Variants in LRCOL1 observed in about 807,000 individuals in gnomAD.
The protein encoded by LRCOL1 is leucine rich colipase like 1.
In LRCOL1, 21 loss-of-function variants were observed where a neutral mutation model predicts 21.6. The observed-to-expected ratio is 0.97, with a 90% CI of 0.69 to 1.40. The LOEUF (loss-of-function observed/expected upper bound fraction) is 1.40. Ranked by LOEUF, LRCOL1 falls within the 40% of genes most tolerant of loss-of-function variation. LRCOL1 has a pLI of 0.00. For synonymous variants in LRCOL1, 98 were observed against 90.1 expected (o/e 1.09, Z -0.49); for missense variants, 198 against 202.3 (o/e 0.98, Z 0.13).
At chr12:132,608,015 G>C (rs2041335072) in intron 1 of LRCOL1, among the ~76,000 whole-genome samples, 1 of 151,206 alleles carries the variant, frequency 6.6e-6, no homozygotes, top group African/African-American at 2.4e-5. Flanking sequence ...GTCTCTCTCT[G>C]TCTCTGTCTC....
chr12:132,605,182 G>A, intron 2 of LRCOL1: 4 of 967,018 alleles, frequency 4.1e-6, no homozygotes, highest in Non-Finnish European at 4.9e-6. Context: ...AAGGTGCCCA[G>A]GATTGCACAG....
chr12:132,608,293 G>A (rs1196050052), intron 1 of LRCOL1, among the ~76,000 whole-genome samples: 2 of 152,118 alleles, frequency 1.3e-5, no homozygotes, highest in East Asian at 1.9e-4. Flanking sequence ...ATCAGTCCCC[G>A]CACCCACACC....
chr12:132,608,907 C>T (rs909377220), intron 1 of LRCOL1, among the ~76,000 whole-genome samples: 9 of 152,174 alleles, frequency 5.9e-5, no homozygotes, highest in Admixed American at 3.9e-4. Context: ...CCAAATGGAG[C>T]ACGATGTGCC....
rs933354899 is a variant in LRCOL1 at position 132,606,068 on chromosome 12, A to C, written c.105+79T>G. On this transcript the variant is annotated intron_variant, in intron 2 of 5. Transcript: ENST00000376608. The surrounding 1 kb of genome is among the most constrained non-coding windows in gnomAD (Gnocchi z 4.6). Reference sequence around the variant, plus strand: ...GGCAGCCCTCGCGGGTGGGGACTGCAAGGGCCTCAGGGGCGCCCGGCACCC... The same window carrying C: ...GGCAGCCCTCGCGGGTGGGGACTGCCAGGGCCTCAGGGGCGCCCGGCACCC... 9.4e-5 allele frequency: 130 copies of C among 1,389,542 alleles called. No individual in the cohort carries two copies. The South Asian group carries it at 1.3e-3, about 14-fold the overall frequency. 86.1% of individuals were successfully genotyped at this position (1,389,542 alleles called of 1,614,324 possible). A position where few individuals can be genotyped will look rare whatever the true frequency, so the allele number is the denominator to read the frequency against.
At chr12:132,608,840 T>A (rs2041344213) in intron 1 of LRCOL1, among the ~76,000 whole-genome samples, 1 of 152,132 alleles carries the variant, frequency 6.6e-6, no homozygotes, top group Non-Finnish European at 1.5e-5. Context: ...CCAGGAAAAA[T>A]TTTTTTCTGG....
At position 132,604,255 on chromosome 12, in the gene LRCOL1, A is replaced by G. The variant is rs1057267661; in HGVS notation, c.476T>C (p.Leu159Pro). 3.3e-6 allele frequency: 5 copies of G among 1,533,070 alleles called. No homozygotes were observed. In the African/African-American group the frequency reaches 6.8e-5, roughly 21 times the overall value. 95.0% of individuals were successfully genotyped at this position (1,533,070 alleles called of 1,614,324 possible). The part of the protein sequence containing the change: ...RTGILAQCLP[L>P] ...GCTGAGCCCCCGCCCGGGACTTACC[A>G]GGGGCAGGCACTGGGCCAGGATCCC... The change falls in exon 5 of 6, where the codon CTG becomes CCG. Residue 159 changes from leucine to proline, a missense_variant and splice_region_variant. Coordinates refer to ENST00000376608, the MANE Select transcript of LRCOL1 (RefSeq NM_001195520.2).
At chr12:132,603,877 G>C (rs1566276840) in intron 5 of LRCOL1, 1 of 1,179,340 alleles carries the variant, frequency 8.5e-7, no homozygotes, top group East Asian at 4.6e-5. Context: ...TCGGGGGAGG[G>C]AGGGGAGAAG....
intron 2 of LRCOL1, chr12:132,605,049 G>T: frequency 2.2e-6 from 3 of 1,384,388 alleles, no homozygotes; most frequent in Non-Finnish European, 2.8e-6. Context: ...TGTGAGCCAC[G>T]TGGAAGAGGG....
At chr12:132,603,808 G>T in intron 5 of LRCOL1, 8 of 985,420 alleles carry the variant, frequency 8.1e-6, no homozygotes, top group Non-Finnish European at 9.6e-6. Flanking sequence ...CAGAGCGGGA[G>T]CCTGCACCGA....
Position 132,606,177 on chromosome 12 carries a change from C to T in LRCOL1, c.75G>A (p.Gly25=), listed in dbSNP as rs1314968566. Residue 25 remains glycine (G), a synonymous_variant, in exon 2 of 6, where the codon GGG becomes GGA. Coordinates refer to ENST00000376608, the MANE Select transcript of LRCOL1 (RefSeq NM_001195520.2). The surrounding 1 kb of genome is among the most constrained non-coding windows in gnomAD (Gnocchi z 4.6). ...GGGACAGGTTCAACTTCTTCTGTGG[C>T]CCATACCCTGCCATGGACCCCAGCA... The part of the protein sequence containing the change: ...LLLLGSMAGY[G]PQKKLNLSHK... The T allele has an allele frequency of 6.5e-7, 1 of 1,536,492 alleles. No homozygotes were observed. The highest frequency in any genetic ancestry group is 1.7e-4 in the Middle Eastern group (1 of 5,990).
chr12:132,610,170 G>A (rs1387185330), intron 1 of LRCOL1, among the ~76,000 whole-genome samples, 153 bp downstream of exon 1: 1 of 152,192 alleles, frequency 6.6e-6, no homozygotes, highest in Non-Finnish European at 1.5e-5. Context: ...GGCAGAGCTG[G>A]TTCCGCCGCA....
In LRCOL1 at chr12:132,603,361, AG is replaced by A. The variant is rs1348923331; in HGVS notation, c.*40del. On this transcript the variant is annotated 3_prime_UTR_variant, in exon 6 of 6. Coordinates refer to ENST00000376608, the MANE Select transcript of LRCOL1 (RefSeq NM_001195520.2). ...CAACGCGGTCCTGCGTGAACATCCC[AG>A]GGCCCAGGCCGGTCCCTCGCGCCCA... 6.5e-7 allele frequency: 1 copy of A among 1,536,074 alleles called. No homozygotes were observed. Among genetic ancestry groups the A allele is most frequent in the Admixed American group, 2.0e-5 (1 of 51,006 alleles).
intron 1 of LRCOL1, among the ~76,000 whole-genome samples, chr12:132,609,252 C>G (rs79532228): frequency 0.024 from 3,701 of 152,296 alleles, 129 homozygotes; most frequent in African/African-American, 0.083. Context: ...CAGAGACAGA[C>G]AGTACGATGG....
chr12:132,604,613 C>T lies in LRCOL1; in HGVS notation c.232-29G>A, dbSNP rs765386243. ...TGGGACAGGAGACGCGTCATCCCTG[C>T]ACCCACCATCCACTCCCTGGCTCTT... On this transcript the variant is annotated intron_variant, in intron 3 of 5. Transcript: ENST00000376608. 12 of 1,526,958 alleles carry T rather than the reference C, an allele frequency of 7.9e-6. No individual in the cohort carries two copies. In the South Asian group the frequency reaches 1.3e-4, roughly 17 times the overall value. The allele number at this position is 1,526,958 out of a possible 1,614,324, so 94.6% of individuals were successfully genotyped here.
At chr12:132,605,846 C>T (rs971762315) in intron 2 of LRCOL1, 3 of 426,856 alleles carry the variant, frequency 7.0e-6, no homozygotes, top group Admixed American at 4.1e-5. Context: ...CCCATGTGGC[C>T]CCGCTCTCTC....
Position 132,605,285 on chromosome 12 carries a change from G to A in LRCOL1, c.106-454C>T, listed in dbSNP as rs565772174. On this transcript the variant is annotated intron_variant, in intron 2 of 5. Coordinates refer to ENST00000376608, the MANE Select transcript of LRCOL1 (RefSeq NM_001195520.2). ...ACACACGCAAGGTGCTGCTGTGTGCGCGACCTCTGGTCTTGTTTGCTCAGA... is the reference window on the plus strand; with the variant it reads ...ACACACGCAAGGTGCTGCTGTGTGCACGACCTCTGGTCTTGTTTGCTCAGA... The A allele has an allele frequency of 7.8e-4, 177 of 226,658 alleles. 1 individual carries two copies. Among genetic ancestry groups the A allele is most frequent in the African/African-American group, 3.6e-3 (156 of 42,760 alleles). The allele number at this position is 226,658 out of a possible 1,614,324, so 14.0% of individuals were successfully genotyped here.
intron 1 of LRCOL1, among the ~76,000 whole-genome samples, chr12:132,609,279 T>C (rs761328837): frequency 3.3e-5 from 5 of 151,746 alleles, no homozygotes; most frequent in Non-Finnish European, 7.4e-5. Flanking sequence ...CCAGGGCAGG[T>C]GGGGGTTGGT....
intron 1 of LRCOL1, among the ~76,000 whole-genome samples, chr12:132,607,880 CCTCTGT>C (rs1408469281): frequency 2.5e-5 from 3 of 119,366 alleles, no homozygotes; most frequent in African/African-American, 1.0e-4. Flanking sequence ...TCTGTCTCTC[CCTCTGT>C]CTCTGTCTCT....
chr12:132,608,956 A>T (rs2041345363), intron 1 of LRCOL1, among the ~76,000 whole-genome samples: 1 of 152,218 alleles, frequency 6.6e-6, no homozygotes, highest in Non-Finnish European at 1.5e-5. Context: ...AGGAACAGGC[A>T]GCTGCCTGTG....
Sources: gnomAD v4.1 joint callset for allele counts (sites outside exome capture counted in the v4.1 genomes callset) on GRCh38, gnomAD v4.1.1 for gene constraint, Gnocchi (gnomAD v3.1) non-coding constraint, MANE v1.5 for transcripts, NCBI Gene and HGNC (gene_info 2026-07-23, HGNC 2026-07-21) for gene names.